Variants in ABAT observed in about 807,000 individuals in gnomAD.
ABAT encodes 4-aminobutyrate aminotransferase, also known as 4-aminobutyrate aminotransferase, mitochondrial.
ABAT carries 45 observed loss-of-function variants against 64.6 expected under a neutral mutation model. The ratio of observed to expected loss-of-function variants is 0.70; its 90% CI spans 0.55 to 0.89. The LOEUF (loss-of-function observed/expected upper bound fraction) is 0.89. Ranked by LOEUF, ABAT falls within the 40% of genes least tolerant of loss-of-function variation. The pLI, the probability that ABAT is intolerant of heterozygous loss-of-function variation, is 0.00. For missense variants in ABAT, 633 were observed against 658.4 expected, an observed-to-expected ratio of 0.96 and a Z score of 0.42; for synonymous variants, 297 against 250.5, an observed-to-expected ratio of 1.19 and a Z score of -1.75.
In ABAT at chr16:8,746,115, T is replaced by C. The variant is rs752815504; in HGVS notation, c.168+17T>C. 3 of 1,597,762 alleles carry C rather than the reference T, an allele frequency of 1.9e-6. No individual in the cohort carries two copies. Among genetic ancestry groups the C allele is most frequent in the East Asian group, 4.5e-5 (2 of 44,750 alleles). On this transcript the variant is annotated intron_variant, in intron 3 of 15. Transcript: ENST00000268251. ...AGATCTCAGGTGAGTTGAGCACACC[T>C]GAGTGGGGTATTTTGGAAAAGGGAA...
chr16:8,704,135 C>T (rs536838897), intron 1 of ABAT, among the ~76,000 whole-genome samples: 27 of 152,324 alleles, frequency 1.8e-4, no homozygotes, highest in Non-Finnish European at 3.1e-4. Flanking sequence ...AATGTGCTGA[C>T]CTACTTTCAA....
intron 2 of ABAT, among the ~76,000 whole-genome samples, 200 bp from the exon 3 acceptor site, chr16:8,745,801 G>C (rs575523564): frequency 3.9e-5 from 6 of 152,308 alleles, no homozygotes; most frequent in Non-Finnish European, 2.9e-5. Flanking sequence ...CTGACACTGG[G>C]TTTTCCCTTT....
chr16:8,776,355 C>G lies in ABAT; in HGVS notation c.1134C>G (p.Ile378Met). ...EEFRPNAPYRIFNTWLGDPSK... is the reference protein window; with the variant it reads ...EEFRPNAPYRMFNTWLGDPSK... Reference sequence around the variant, plus strand: ...GTTCCTCATTCCAGCCCTACCGGATCTTCAACACCTGGCTGGGGGACCCGT... The same window carrying G: ...GTTCCTCATTCCAGCCCTACCGGATGTTCAACACCTGGCTGGGGGACCCGT... Residue 378 changes from isoleucine (I) to methionine (M), a missense_variant, in exon 14 of 16, where the codon ATC becomes ATG. By Grantham distance (10) the Ile-to-Met change is conservative (BLOSUM62 1). Transcript: ENST00000268251. The surrounding 1 kb of genome is among the most constrained non-coding windows in gnomAD (Gnocchi z 4.4). 1 of 1,614,236 alleles carries G rather than the reference C, an allele frequency of 6.2e-7. No individual in the cohort carries two copies. Among genetic ancestry groups the G allele is most frequent in the South Asian group, 1.1e-5 (1 of 91,082 alleles).
In ABAT at chr16:8,764,938, T is replaced by C. The variant is rs2059901475; in HGVS notation, c.540+108T>C. 3.8e-6 allele frequency: 4 copies of C among 1,040,632 alleles called. No individual in the cohort carries two copies. Among genetic ancestry groups the C allele is most frequent in the Non-Finnish European group, 4.4e-6 (3 of 676,692 alleles). The allele number at this position is 1,040,632 out of a possible 1,614,324, so 64.5% of individuals were successfully genotyped here. On this transcript the variant is annotated intron_variant, in intron 8 of 15. Coordinates refer to ENST00000268251, the MANE Select transcript of ABAT (RefSeq NM_020686.6). This position sits in a 1 kb window ranked among gnomAD's most constrained non-coding sequence, Gnocchi z 4.2. ...TTCCAATGGGCTGGAGTATTAGACA[T>C]CAGTACCAGGGTTAAAATACAGGGA...
chr16:8,694,169 A>G (rs1388767757), intron 1 of ABAT, among the ~76,000 whole-genome samples: 5 of 148,686 alleles, frequency 3.4e-5, no homozygotes, highest in African/African-American at 1.2e-4. Context: ...AGCTGGGACT[A>G]CAGGCGCCCG....
chr16:8,722,622 G>C, intron 1 of ABAT: 1 of 347,626 alleles, frequency 2.9e-6, no homozygotes, highest in Non-Finnish European at 5.6e-6. Context: ...GGGGGTCTCA[G>C]AGACCAGGAG....
chr16:8,778,390 C>T (rs144104936), intron 14 of ABAT, among the ~76,000 whole-genome samples: 35 of 152,222 alleles, frequency 2.3e-4, no homozygotes, highest in African/African-American at 7.5e-4. Context: ...TGTTCCTTGA[C>T]GTGTGGAGGC....
intron 6 of ABAT, among the ~76,000 whole-genome samples, chr16:8,758,160 A>G (rs1240855899): frequency 2.0e-5 from 3 of 152,222 alleles, no homozygotes; most frequent in Non-Finnish European, 4.4e-5. Context: ...TATAGCGACA[A>G]TATTGACAAG....
chr16:8,697,251 G>A (rs1450931792), intron 1 of ABAT, among the ~76,000 whole-genome samples: 1 of 152,134 alleles, frequency 6.6e-6, no homozygotes, highest in Non-Finnish European at 1.5e-5. Flanking sequence ...TCCCACGTTG[G>A]GAGGACTTGA....
intron 5 of ABAT, among the ~76,000 whole-genome samples, 195 bp from the exon 6 acceptor site, chr16:8,757,562 C>G (rs1000997368): frequency 1.3e-5 from 2 of 152,124 alleles, no homozygotes; most frequent in Non-Finnish European, 2.9e-5. Flanking sequence ...TCTAGGCTGC[C>G]CCTTGAGAGA....
chr16:8,706,267 A>G (rs957456285), intron 1 of ABAT, among the ~76,000 whole-genome samples: 1 of 151,008 alleles, frequency 6.6e-6, no homozygotes, highest in Non-Finnish European at 1.5e-5. Context: ...AAAATTAGCC[A>G]GGCATGGTGG....
chr16:8,774,571 G>A (rs114680852), intron 12 of ABAT, among the ~76,000 whole-genome samples: 11 of 152,204 alleles, frequency 7.2e-5, no homozygotes, highest in African/African-American at 1.9e-4. Context: ...TCCCTCTGAC[G>A]AGGTCGAGAC....
chr16:8,698,662 T>C (rs558924273), intron 1 of ABAT, among the ~76,000 whole-genome samples: 1 of 150,864 alleles, frequency 6.6e-6, no homozygotes, highest in East Asian at 2.0e-4. Flanking sequence ...GTGCTGCAAT[T>C]GGCAGGGCAC....
At chr16:8,719,603 G>T (rs1287498668) in intron 1 of ABAT, among the ~76,000 whole-genome samples, 2 of 152,134 alleles carry the variant, frequency 1.3e-5, no homozygotes, top group Non-Finnish European at 2.9e-5. Flanking sequence ...ATGAAATCTG[G>T]ATGTTGAGGC....
At chr16:8,695,271 G>C (rs1459525073) in intron 1 of ABAT, among the ~76,000 whole-genome samples, 2 of 152,218 alleles carry the variant, frequency 1.3e-5, no homozygotes, top group African/African-American at 4.8e-5. Context: ...GGAGAGAGAG[G>C]AGAACTCTTC....
intron 1 of ABAT, among the ~76,000 whole-genome samples, chr16:8,709,924 C>T (rs946806029): frequency 2.0e-5 from 3 of 152,008 alleles, no homozygotes; most frequent in Admixed American, 6.6e-5. Flanking sequence ...CTCCCTCCGC[C>T]GCCTGAGTAG....
intron 12 of ABAT, among the ~76,000 whole-genome samples, chr16:8,774,259 T>C (rs753238125): frequency 5.3e-5 from 8 of 152,198 alleles, no homozygotes; most frequent in African/African-American, 1.9e-4. Context: ...ATATTTACTT[T>C]ATCCATTCAT....
intron 1 of ABAT, among the ~76,000 whole-genome samples, chr16:8,702,362 C>A (rs1304216141): frequency 6.6e-6 from 1 of 152,062 alleles, no homozygotes; most frequent in Non-Finnish European, 1.5e-5. Flanking sequence ...AAGCAATTCT[C>A]CTGCCTCAGC....
chr16:8,681,735 G>A (rs575575056), intron 1 of ABAT, among the ~76,000 whole-genome samples: 4 of 150,618 alleles, frequency 2.7e-5, no homozygotes, highest in African/African-American at 9.8e-5. Context: ...TCTGCCTCCC[G>A]GGTTCAAGCG....
Sources: gnomAD v4.1 joint callset for allele counts (sites outside exome capture counted in the v4.1 genomes callset) on GRCh38, gnomAD v4.1.1 for gene constraint, Gnocchi (gnomAD v3.1) non-coding constraint, MANE v1.5 for transcripts, NCBI Gene and HGNC (gene_info 2026-07-23, HGNC 2026-07-21) for gene names.